RTBDN: variants seen among roughly 807,000 people sequenced by gnomAD.
RTBDN encodes the protein retbindin.
In RTBDN, 24 loss-of-function variants were observed where a neutral mutation model predicts 21.9. That is an observed-to-expected ratio of 1.10 (90% confidence interval 0.79 to 1.54). The LOEUF (loss-of-function observed/expected upper bound fraction) is 1.54. Among genes scored for constraint, RTBDN ranks in the 40% most tolerant of loss-of-function variants. The pLI is 0.00. For missense variants in RTBDN, 325 were observed against 315.2 expected (o/e 1.03, Z -0.23); for synonymous variants, 141 against 125.9 (o/e 1.12, Z -0.80).
chr19:12,829,094 A>T, intron 2 of RTBDN, 141 bp from the exon 3 acceptor site: 1 of 1,340,600 alleles, frequency 7.5e-7, no homozygotes, highest in Non-Finnish European at 1.0e-6. Flanking sequence ...CTTCCTTTGG[A>T]ATGCAAATGC....
chr19:12,834,241 C>G lies in RTBDN; in HGVS notation c.-19+248G>C, dbSNP rs1969679218. On this transcript the variant is annotated intron_variant, in intron 1 of 5. Transcript: ENST00000674343. The surrounding 1 kb of genome is among the most constrained non-coding windows in gnomAD (Gnocchi z 4.7). ...CCGGAGGGGTGCAGCCTAGCGCTCC[C>G]CCTCGAGGATCGCCTGAGGGGCGCC... is the stretch of plus-strand genomic sequence containing the variant. Among the ~76,000 whole-genome samples the G allele has an allele frequency of 6.6e-6, 1 of 152,104 alleles. No homozygotes were observed. Among genetic ancestry groups the G allele is most frequent in the Non-Finnish European group, 1.5e-5 (1 of 67,978 alleles).
rs917416047 is a variant in RTBDN, at chr19:12,826,094, T to C, written c.463-161A>G. The C allele has an allele frequency of 7.8e-6, 11 of 1,405,232 alleles. No homozygotes were observed. The Admixed American group carries it at 2.6e-4, about 33-fold the overall frequency. The allele number at this position is 1,405,232 out of a possible 1,614,324, so 87.0% of individuals were successfully genotyped here. A position where few individuals can be genotyped will look rare whatever the true frequency, so the allele number is the denominator to read the frequency against. On this transcript the variant is annotated intron_variant, in intron 5 of 5. Transcript: ENST00000674343. Reference sequence around the variant, plus strand: ...GCGGAACGTGAGTGGGGGCAGGTCCTTGGGGAGGGTGAATGTTCTTACTGG... The same window carrying C: ...GCGGAACGTGAGTGGGGGCAGGTCCCTGGGGAGGGTGAATGTTCTTACTGG...
At chr19:12,829,777 GTGT>G (rs1444107219) in intron 2 of RTBDN, 31 bp downstream of exon 2, 1 of 1,584,212 alleles carries the variant, frequency 6.3e-7, no homozygotes, top group Non-Finnish European at 8.6e-7. Flanking sequence ...GGGTTTCTGG[GTGT>G]TGGTGGTGAG....
chr19:12,830,726 C>T lies in RTBDN; in HGVS notation c.-18-729G>A. ...AGGGGCGGGACCTCCCACCGTCCTG[C>T]CCACACTCCAGCTGACCAAAGGCTG... On this transcript the variant is annotated intron_variant, in intron 1 of 5. Coordinates refer to ENST00000674343, the MANE Select transcript of RTBDN (RefSeq NM_001270441.2). The surrounding 1 kb of genome is among the most constrained non-coding windows in gnomAD (Gnocchi z 4.2). 1.0e-6 allele frequency: 1 copy of T among 972,130 alleles called. No individual in the cohort carries two copies. The allele number at this position is 972,130 out of a possible 1,614,324, so 60.2% of individuals were successfully genotyped here.
chr19:12,828,657 C>T lies in RTBDN; in HGVS notation c.365G>A (p.Trp122Ter). The T allele has an allele frequency of 6.2e-7, 1 of 1,611,430 alleles. No individual in the cohort carries two copies. The highest frequency in any genetic ancestry group is 8.5e-7 in the Non-Finnish European group (1 of 1,178,472). ...QPLCEELCQA[W>*]FANCEDDITC... Reference sequence around the variant, plus strand: ...CGCCCCTTGCCCCCGCGTCTCCTACCAGGCCTGGCAGAGCTCCTCGCAGAG... The same window carrying T: ...CGCCCCTTGCCCCCGCGTCTCCTACTAGGCCTGGCAGAGCTCCTCGCAGAG... Residue 122 changes from tryptophan (W) to a stop codon, truncating the protein, a stop_gained and splice_region_variant, in exon 4 of 6, where the codon TGG becomes TAG. Transcript: ENST00000674343. LOFTEE classifies it high-confidence loss of function.
chr19:12,834,141 G>T lies in RTBDN; in HGVS notation c.-19+348C>A, dbSNP rs1055878810. On this transcript the variant is annotated intron_variant, in intron 1 of 5. Coordinates refer to ENST00000674343, the MANE Select transcript of RTBDN (RefSeq NM_001270441.2). The surrounding 1 kb of genome is among the most constrained non-coding windows in gnomAD (Gnocchi z 4.7). ...CATAGGTTCGGGACGCTAACCGCGGGGAACGCTGTGGCCGCGCGTCCCGCC... is the reference window on the plus strand; with the variant it reads ...CATAGGTTCGGGACGCTAACCGCGGTGAACGCTGTGGCCGCGCGTCCCGCC... 7 of 401,856 alleles carry T rather than the reference G, an allele frequency of 1.7e-5. No individual in the cohort carries two copies. Among genetic ancestry groups the T allele is most frequent in the Non-Finnish European group, 8.8e-6 (2 of 228,148 alleles). 24.9% of individuals were successfully genotyped at this position (401,856 alleles called of 1,614,324 possible).
chr19:12,829,087 C>T, intron 2 of RTBDN, 134 bp from the exon 3 acceptor site: 2 of 1,410,652 alleles, frequency 1.4e-6, no homozygotes, highest in Non-Finnish European at 1.9e-6. Context: ...TAAGACCCTT[C>T]CTTTGGAATG....
Position 12,830,114 on chromosome 19 carries a change from A to G in RTBDN, c.-18-117T>C. 7.5e-7 allele frequency: 1 copy of G among 1,333,312 alleles called. No individual in the cohort carries two copies. Among genetic ancestry groups the G allele is most frequent in the Non-Finnish European group, 1.0e-6 (1 of 990,276 alleles). 82.6% of individuals were successfully genotyped at this position (1,333,312 alleles called of 1,614,324 possible). A position where few individuals can be genotyped will look rare whatever the true frequency, so the allele number is the denominator to read the frequency against. ...AGTAGGGAAAGTGCAGCTGAGGAGG[A>G]GGCTGGGGCAGTGGCCAAGGACGTT... On this transcript the variant is annotated intron_variant, in intron 1 of 5. Coordinates refer to ENST00000674343, the MANE Select transcript of RTBDN (RefSeq NM_001270441.2). The surrounding 1 kb of genome is among the most constrained non-coding windows in gnomAD (Gnocchi z 4.2).
rs1969675627 is a variant in RTBDN at position 12,834,138 on chromosome 19, C to T, written c.-19+351G>A. On this transcript the variant is annotated intron_variant, in intron 1 of 5. Transcript: ENST00000674343. This position sits in a 1 kb window ranked among gnomAD's most constrained non-coding sequence, Gnocchi z 4.7. The stretch of plus-strand genomic sequence containing the variant: ...ACCCATAGGTTCGGGACGCTAACCG[C>T]GGGGAACGCTGTGGCCGCGCGTCCC... 2.5e-6 allele frequency: 1 copy of T among 401,680 alleles called. No homozygotes were observed. Among genetic ancestry groups the T allele is most frequent in the African/African-American group, 2.1e-5 (1 of 48,518 alleles). The allele number at this position is 401,680 out of a possible 1,614,324, so 24.9% of individuals were successfully genotyped here. A position where few individuals can be genotyped will look rare whatever the true frequency, so the allele number is the denominator to read the frequency against.
At position 12,834,407 on chromosome 19, in the gene RTBDN, A is replaced by G; in HGVS notation, c.-19+82T>C. On this transcript the variant is annotated intron_variant, in intron 1 of 5. Coordinates refer to ENST00000674343, the MANE Select transcript of RTBDN (RefSeq NM_001270441.2). This position sits in a 1 kb window ranked among gnomAD's most constrained non-coding sequence, Gnocchi z 4.7. ...GCCATCGGCGCCGCTGGAGGCGTAA[A>G]CATGTTTGTGCGGCAACCTCGCCCC... 1 of 1,114,052 alleles carries G rather than the reference A, an allele frequency of 9.0e-7. No individual in the cohort carries two copies. Among genetic ancestry groups the G allele is most frequent in the Admixed American group, 2.1e-5 (1 of 46,998 alleles). The allele number at this position is 1,114,052 out of a possible 1,614,324, so 69.0% of individuals were successfully genotyped here.
intron 4 of RTBDN, among the ~76,000 whole-genome samples, chr19:12,827,706 C>T (rs749870396): frequency 1.3e-3 from 204 of 152,234 alleles, no homozygotes; most frequent in Non-Finnish European, 1.1e-3. Flanking sequence ...TGGCCTCAAC[C>T]AATCCTCCTG....
In RTBDN at chr19:12,825,716, C is replaced by T. The variant is rs1347503528; in HGVS notation, c.680G>A (p.Ser227Asn). Residue 227 changes from serine (S) to asparagine (N), a missense_variant, in exon 6 of 6, where the codon AGC becomes AAC. Coordinates refer to ENST00000674343, the MANE Select transcript of RTBDN (RefSeq NM_001270441.2). Reference sequence around the variant, plus strand: ...AGGGCCACGCGTCCGCTAGGGGCCGCTGCCGCTTCCACTGCCACTCCCGCT... The same window carrying T: ...AGGGCCACGCGTCCGCTAGGGGCCGTTGCCGCTTCCACTGCCACTCCCGCT... ...AGSGSGSGSG[S>N]GP The T allele has an allele frequency of 6.4e-7, 1 of 1,574,684 alleles. No individual in the cohort carries two copies. Among genetic ancestry groups the T allele is most frequent in the Non-Finnish European group, 8.6e-7 (1 of 1,161,878 alleles).
intron 1 of RTBDN, among the ~76,000 whole-genome samples, chr19:12,833,775 G>T (rs1421277894): frequency 1.1e-4 from 14 of 126,496 alleles, no homozygotes; most frequent in Non-Finnish European, 2.2e-4. Context: ...GCCCGGGCTC[G>T]GGCGCCCAGA....
Position 12,828,874 on chromosome 19 carries a change from G to A in RTBDN, c.249C>T (p.Ser83=). ...GTGGAGGGTGCTGTACTCACTCAGGGCTCGGCACTCCACAGCGTTCTGGAT... is the reference window on the plus strand; with the variant it reads ...GTGGAGGGTGCTGTACTCACTCAGGACTCGGCACTCCACAGCGTTCTGGAT... The part of the protein sequence containing the change: ...GNHPERCGVP[S]PECESFLEHL... Residue 83 remains serine (S), a synonymous_variant, in exon 3 of 6, where the codon AGC becomes AGT. Coordinates refer to ENST00000674343, the MANE Select transcript of RTBDN (RefSeq NM_001270441.2). 1.2e-6 allele frequency: 2 copies of A among 1,614,202 alleles called. No homozygotes were observed. The highest frequency in any genetic ancestry group is 1.1e-5 in the South Asian group (1 of 91,088).
chr19:12,830,714 C>T lies in RTBDN; in HGVS notation c.-18-717G>A. 2.0e-6 allele frequency: 2 copies of T among 979,600 alleles called. No individual in the cohort carries two copies. The highest frequency in any genetic ancestry group is 1.7e-5 in the African/African-American group (1 of 57,240). The allele number at this position is 979,600 out of a possible 1,614,324, so 60.7% of individuals were successfully genotyped here. A position where few individuals can be genotyped will look rare whatever the true frequency, so the allele number is the denominator to read the frequency against. On this transcript the variant is annotated intron_variant, in intron 1 of 5. Coordinates refer to ENST00000674343, the MANE Select transcript of RTBDN (RefSeq NM_001270441.2). The surrounding 1 kb of genome is among the most constrained non-coding windows in gnomAD (Gnocchi z 4.2). ...GTGGCTTAATGCAGGGGCGGGACCT[C>T]CCACCGTCCTGCCCACACTCCAGCT...
At position 12,825,765 on chromosome 19, in the gene RTBDN, T is replaced by C. The variant is rs564096036; in HGVS notation, c.631A>G (p.Thr211Ala). The C allele has an allele frequency of 1.2e-6, 2 of 1,605,066 alleles. No homozygotes were observed. Among genetic ancestry groups the C allele is most frequent in the African/African-American group, 2.7e-5 (2 of 74,560 alleles). ...CTGCCCGCAGCGTCCAGGATGGAGG[T>C]GCGAGGGCTGCGGGAACGCCGGGAG... ...APSRRSRSPR[T>A]SILDAAGSGS... Residue 211 changes from threonine to alanine, a missense_variant, in exon 6 of 6, where the codon ACC becomes GCC. Physicochemically the swap from Thr to Ala is moderately conservative, Grantham distance 58. Coordinates refer to ENST00000674343, the MANE Select transcript of RTBDN (RefSeq NM_001270441.2).
At chr19:12,835,207 G>C, upstream of RTBDN, 1 of 1,092,078 alleles carries the variant, frequency 9.2e-7, no homozygotes, top group Non-Finnish European at 1.4e-6. Flanking sequence ...CCTTCCAGGC[G>C]TCTGGGTAAC....
intron 5 of RTBDN, 150 bp downstream of exon 5, chr19:12,826,625 C>T (rs1407999614): frequency 3.9e-5 from 28 of 714,110 alleles, no homozygotes; most frequent in Admixed American, 5.5e-5. Flanking sequence ...ACCCCGGAGG[C>T]GGAGGTTGCA....
At chr19:12,826,688 C>T (rs1479418363) in intron 5 of RTBDN, 87 bp downstream of exon 5, 2 of 1,014,682 alleles carry the variant, frequency 2.0e-6, no homozygotes, top group Non-Finnish European at 2.9e-6. Context: ...GAATGAAACT[C>T]CGTCTCAGAA....
Sources: allele counts gnomAD v4.1 joint callset (sites outside exome capture counted in the v4.1 genomes callset), GRCh38; gene constraint gnomAD v4.1.1; non-coding constraint Gnocchi (gnomAD v3.1); transcripts MANE v1.5; gene names NCBI Gene and HGNC (gene_info 2026-07-23, HGNC 2026-07-21).